Variants in SH3RF3 observed in about 807,000 individuals in gnomAD.
SH3RF3 encodes SH3 domain containing ring finger 3, also known as E3 ubiquitin-protein ligase SH3RF3.
SH3RF3 carries 29 observed loss-of-function variants against 66.3 expected under a neutral mutation model. That is an observed-to-expected ratio of 0.44 (90% confidence interval 0.33 to 0.60). The LOEUF is 0.60. Among genes scored for constraint, SH3RF3 ranks in the 20% least tolerant of loss-of-function variants. The pLI, the probability that SH3RF3 is intolerant of heterozygous loss-of-function variation, is 0.04. For synonymous variants in SH3RF3, 583 were observed against 532.0 expected (o/e 1.10, Z -1.32); for missense variants, 1,194 against 1,190.9 (o/e 1.00, Z -0.04).
At chr2:109,499,433 C>T (rs1185076719) in intron 9 of SH3RF3, among the ~76,000 whole-genome samples, 1 of 152,190 alleles carries the variant, frequency 6.6e-6, no homozygotes, top group Non-Finnish European at 1.5e-5. Flanking sequence ...GGTCCAACAC[C>T]CTGGTGGCCC....
At position 109,432,645 on chromosome 2, in the gene SH3RF3, C is replaced by T. The variant is rs774383701; in HGVS notation, c.1548C>T (p.Pro516=). ...SLRTGVSGVF[P]GNYVTPVSRV... is the part of the protein sequence containing the mutation. Reference sequence around the variant, plus strand: ...GGACCGGGGTCTCTGGGGTGTTCCCCGGAAACTACGTGACACCCGTTTCCA... The same window carrying T: ...GGACCGGGGTCTCTGGGGTGTTCCCTGGAAACTACGTGACACCCGTTTCCA... The change falls in exon 6 of 10, where the codon CCC becomes CCT. Residue 516 remains proline (P), a synonymous_variant. Transcript: ENST00000309415. The T allele has an allele frequency of 8.1e-6, 13 of 1,612,266 alleles. No individual in the cohort carries two copies. Among genetic ancestry groups the T allele is most frequent in the African/African-American group, 4.0e-5 (3 of 74,918 alleles).
At position 109,253,069 on chromosome 2, in the gene SH3RF3, C is replaced by T. The variant is rs1168929660; in HGVS notation, c.574-94605C>T. On this transcript the variant is annotated intron_variant, in intron 1 of 9. Transcript: ENST00000309415. The stretch of plus-strand genomic sequence containing the variant: ...AAGAGCTAGAGTCTTGCTCTGTTGC[C>T]CAGGCTGGAGTGCAGTGGTGCGATC... Among the ~76,000 whole-genome samples the T allele has an allele frequency of 3.3e-5, 5 of 152,058 alleles. No individual in the cohort carries two copies. The East Asian group carries it at 9.7e-4, about 29-fold the overall frequency.
chr2:109,386,851 T>C (rs905801769), intron 3 of SH3RF3, among the ~76,000 whole-genome samples: 7 of 152,208 alleles, frequency 4.6e-5, no homozygotes, highest in African/African-American at 1.7e-4. Flanking sequence ...AAAGGCTCTT[T>C]AGGGCACCTC....
chr2:109,462,839 G>A (rs1678241277), intron 8 of SH3RF3, among the ~76,000 whole-genome samples: 1 of 152,190 alleles, frequency 6.6e-6, no homozygotes, highest in Non-Finnish European at 1.5e-5. Flanking sequence ...CTGATCACCT[G>A]TGCTCCATAA....
rs114791561 is a variant in SH3RF3 at position 109,358,454 on chromosome 2, A to G, written c.849+10505A>G. Among the ~76,000 whole-genome samples, 393 of 152,344 alleles carry G rather than the reference A, an allele frequency of 2.6e-3. 2 individuals carry two copies. The highest frequency in any genetic ancestry group is 9.1e-3 in the African/African-American group (377 of 41,576). ...TAGTTTGCATGGTAAAAGCATGCCT[A>G]GTTTTGTAAGAAATTTCCAAACTGT... On this transcript the variant is annotated intron_variant, in intron 2 of 9. Coordinates refer to ENST00000309415, the MANE Select transcript of SH3RF3 (RefSeq NM_001099289.3).
At chr2:109,316,464 C>T (rs1164557902) in intron 1 of SH3RF3, among the ~76,000 whole-genome samples, 1 of 152,226 alleles carries the variant, frequency 6.6e-6, no homozygotes, top group Non-Finnish European at 1.5e-5. Flanking sequence ...TCACTACACA[C>T]AGCCTTTAAC....
intron 1 of SH3RF3, among the ~76,000 whole-genome samples, chr2:109,139,159 A>G (rs1298689848): frequency 6.6e-6 from 1 of 152,244 alleles, no homozygotes; most frequent in Non-Finnish European, 1.5e-5. Context: ...AAATCTGCGT[A>G]ACTTAAAAAT....
At chr2:109,301,915 G>T (rs1382381893) in intron 1 of SH3RF3, among the ~76,000 whole-genome samples, 1 of 152,182 alleles carries the variant, frequency 6.6e-6, no homozygotes, top group African/African-American at 2.4e-5. Context: ...CCCCGGTGCG[G>T]GACCGGGGTC....
intron 3 of SH3RF3, among the ~76,000 whole-genome samples, chr2:109,386,309 C>T (rs1052283970): frequency 4.6e-5 from 7 of 152,146 alleles, no homozygotes; most frequent in Non-Finnish European, 8.8e-5. Context: ...GTACAGGTGA[C>T]ATTGTGTGGC....
chr2:109,202,057 G>A (rs1334330498), intron 1 of SH3RF3, among the ~76,000 whole-genome samples: 6 of 152,264 alleles, frequency 3.9e-5, no homozygotes, highest in Non-Finnish European at 7.4e-5. Flanking sequence ...GCTGGGTCTC[G>A]TGACAGCACA....
intron 1 of SH3RF3, among the ~76,000 whole-genome samples, chr2:109,245,058 C>T (rs1275146888): frequency 6.6e-6 from 1 of 152,118 alleles, no homozygotes; most frequent in Non-Finnish European, 1.5e-5. Context: ...GTCTGGGCAG[C>T]CTTGTGCTGA....
chr2:109,233,139 A>G (rs971332759), intron 1 of SH3RF3, among the ~76,000 whole-genome samples: 4 of 152,194 alleles, frequency 2.6e-5, no homozygotes, highest in African/African-American at 9.7e-5. Context: ...GTTGCTGTCC[A>G]TGGATGGCTA....
chr2:109,449,298 A>G lies in SH3RF3; in HGVS notation c.1957A>G (p.Ser653Gly). Residue 653 changes from serine (S) to glycine (G), a missense_variant, in exon 8 of 10, where the codon AGC (serine) becomes GGC (glycine). Transcript: ENST00000309415. ...CCACTCGGTGGTGTCCCCGCAGCAC[A>G]GCCACCAGCCCCCGGTGCAGATGTG... is the stretch of plus-strand genomic sequence containing the variant. Reference protein sequence around the residue: ...RPHSVVSPQHSHQPPVQMCPR... With the variant: ...RPHSVVSPQHGHQPPVQMCPR... The G allele has an allele frequency of 1.9e-6, 3 of 1,608,732 alleles. 1 individual carries two copies. In the South Asian group the frequency reaches 3.3e-5, roughly 18 times the overall value.
At chr2:109,299,341 C>T (rs370825221) in intron 1 of SH3RF3, among the ~76,000 whole-genome samples, 26 of 152,152 alleles carry the variant, frequency 1.7e-4, no homozygotes, top group African/African-American at 6.0e-4. Context: ...GGATATTTTC[C>T]CATTTGGGTT....
intron 1 of SH3RF3, among the ~76,000 whole-genome samples, chr2:109,175,778 G>C (rs1677900928): frequency 6.6e-6 from 1 of 152,236 alleles, no homozygotes; most frequent in Admixed American, 6.5e-5. Flanking sequence ...GCTTCAAAGA[G>C]AGTCTAGAGT....
intron 8 of SH3RF3, among the ~76,000 whole-genome samples, chr2:109,460,444 G>A (rs528134502): frequency 6.6e-6 from 1 of 152,166 alleles, no homozygotes; most frequent in Non-Finnish European, 1.5e-5. Flanking sequence ...AGCCAGGTTG[G>A]CCATGGTGAG....
At chr2:109,402,251 G>A (rs1364741449) in intron 4 of SH3RF3, among the ~76,000 whole-genome samples, 4 of 152,368 alleles carry the variant, frequency 2.6e-5, no homozygotes, top group Admixed American at 1.3e-4. Flanking sequence ...TGCCTGGCCT[G>A]AGGACTGGCC....
At chr2:109,134,043 G>A (rs952080366) in intron 1 of SH3RF3, among the ~76,000 whole-genome samples, 1 of 152,156 alleles carries the variant, frequency 6.6e-6, no homozygotes, top group Non-Finnish European at 1.5e-5. Flanking sequence ...TTTGGGTCTC[G>A]ACAGTTGAAC....
chr2:109,169,288 A>G (rs1677699011), intron 1 of SH3RF3, among the ~76,000 whole-genome samples: 2 of 152,194 alleles, frequency 1.3e-5, no homozygotes, highest in Middle Eastern at 3.4e-3. Context: ...AGGCGGGTAT[A>G]TTATTTTTGC....
Sources: gnomAD v4.1 joint callset for allele counts (sites outside exome capture counted in the v4.1 genomes callset) on GRCh38, gnomAD v4.1.1 for gene constraint, MANE v1.5 for transcripts, NCBI Gene and HGNC (gene_info 2026-07-23, HGNC 2026-07-21) for gene names.